ACAP2: variants seen among roughly 807,000 people sequenced by gnomAD.
ACAP2 encodes the protein arf-GAP with coiled-coil, ANK repeat and PH domain-containing protein 2.
A neutral mutation model predicts 115.8 loss-of-function variants in ACAP2; 39 were observed. The observed-to-expected ratio is 0.34, with a 90% confidence interval of 0.26 to 0.44. The LOEUF is 0.44. Ranked by LOEUF, ACAP2 falls within the 20% of genes least tolerant of loss-of-function variation. ACAP2 has a pLI of 1.00. For missense variants in ACAP2, 662 were observed against 927.6 expected (o/e 0.71, Z 3.72); for synonymous variants, 289 against 315.8 (o/e 0.92, Z 0.90).
intron 1 of ACAP2, among the ~76,000 whole-genome samples, chr3:195,422,748 C>G (rs968096238): frequency 1.3e-5 from 2 of 152,092 alleles, no homozygotes; most frequent in Admixed American, 1.3e-4. Context: ...TCTTTAAGAG[C>G]TTCTCACTAT....
chr3:195,415,650 TA>T (rs1383842018), intron 1 of ACAP2, among the ~76,000 whole-genome samples: 2 of 152,244 alleles, frequency 1.3e-5, no homozygotes. Flanking sequence ...AGATACCAGA[TA>T]AACCACTTAC....
intron 1 of ACAP2, among the ~76,000 whole-genome samples, chr3:195,417,481 A>C (rs980560800): frequency 2.6e-5 from 4 of 152,008 alleles, no homozygotes; most frequent in Admixed American, 1.3e-4. Context: ...CTACCTCCTA[A>C]ATACCTTGAT....
In ACAP2 at chr3:195,327,065, T is replaced by C; in HGVS notation, c.670-106A>G. ...CAGATAAATAAAAAATCACTCAATT[T>C]AAGCTGATTTAATAAAGTTTTGGCT... is the stretch of plus-strand genomic sequence containing the variant. On this transcript the variant is annotated intron_variant, in intron 8 of 22. Coordinates refer to ENST00000326793, the MANE Select transcript of ACAP2 (RefSeq NM_012287.6). 2.9e-6 allele frequency: 3 copies of C among 1,048,078 alleles called. No homozygotes were observed. The South Asian group carries it at 4.6e-5, about 16-fold the overall frequency. The allele number at this position is 1,048,078 out of a possible 1,614,324, so 64.9% of individuals were successfully genotyped here. A position where few individuals can be genotyped will look rare whatever the true frequency, so the allele number is the denominator to read the frequency against.
chr3:195,321,396 TAG>T (rs1560240572), intron 9 of ACAP2, among the ~76,000 whole-genome samples: 2 of 151,892 alleles, frequency 1.3e-5, no homozygotes, highest in East Asian at 3.9e-4. Flanking sequence ...CTAATTTTTG[TAG>T]AGACAGGGTT....
intron 10 of ACAP2, among the ~76,000 whole-genome samples, chr3:195,310,875 G>T (rs1314641753): frequency 6.6e-6 from 1 of 151,768 alleles, no homozygotes; most frequent in Non-Finnish European, 1.5e-5. Context: ...ATCTCTTAAG[G>T]AAAAACGTCA....
chr3:195,389,035 A>C (rs1218117057), intron 2 of ACAP2, among the ~76,000 whole-genome samples: 1 of 151,294 alleles, frequency 6.6e-6, no homozygotes, highest in East Asian at 1.9e-4. Context: ...TAAAAAAAAA[A>C]TTAAAAATTA....
intron 8 of ACAP2, among the ~76,000 whole-genome samples, chr3:195,331,988 G>C (rs1489420891): frequency 1.3e-4 from 19 of 151,772 alleles, no homozygotes; most frequent in Admixed American, 1.2e-3. Context: ...CAAAAAATCA[G>C]CCGGGCATGG....
At chr3:195,280,280 C>T (rs1425127721) in intron 22 of ACAP2, among the ~76,000 whole-genome samples, 4 of 151,984 alleles carry the variant, frequency 2.6e-5, no homozygotes, top group African/African-American at 9.7e-5. Flanking sequence ...TGAGACCGCC[C>T]GGCCAACATG....
At chr3:195,365,765 T>A (rs1732671042) in intron 4 of ACAP2, among the ~76,000 whole-genome samples, 1 of 152,174 alleles carries the variant, frequency 6.6e-6, no homozygotes, top group African/African-American at 2.4e-5. Context: ...AGAACTCTTC[T>A]TTGCAATCAT....
At chr3:195,325,081 C>T (rs1171897902) in intron 9 of ACAP2, among the ~76,000 whole-genome samples, 3 of 152,112 alleles carry the variant, frequency 2.0e-5, no homozygotes, top group African/African-American at 7.2e-5. Context: ...ATGTCTATAT[C>T]TACTGATCAA....
intron 22 of ACAP2, among the ~76,000 whole-genome samples, chr3:195,285,059 C>T (rs1726755082): frequency 6.6e-6 from 1 of 152,156 alleles, no homozygotes; most frequent in African/African-American, 2.4e-5. Context: ...ATCTACTTTG[C>T]CATCAGGTGC....
chr3:195,330,977 G>C (rs1730126942), intron 8 of ACAP2, among the ~76,000 whole-genome samples: 1 of 152,156 alleles, frequency 6.6e-6, no homozygotes, highest in Non-Finnish European at 1.5e-5. Flanking sequence ...CTGCACTCCT[G>C]CTAACCAAGT....
intron 1 of ACAP2, among the ~76,000 whole-genome samples, chr3:195,392,964 T>G (rs183283209): frequency 6.6e-6 from 1 of 152,310 alleles, no homozygotes; most frequent in Admixed American, 6.5e-5. Flanking sequence ...TATTTTAAGA[T>G]TTAACTAAAT....
intron 1 of ACAP2, among the ~76,000 whole-genome samples, chr3:195,393,749 A>C (rs2108775883): frequency 6.6e-6 from 1 of 152,302 alleles, no homozygotes; most frequent in African/African-American, 2.4e-5. Context: ...CGCGTTAGAA[A>C]CCTAGATGTG....
chr3:195,331,636 T>G (rs62287107), intron 8 of ACAP2, among the ~76,000 whole-genome samples: 36,263 of 151,384 alleles, frequency 0.24, 5,062 homozygotes, highest in East Asian at 0.71. Context: ...TCATCATCAA[T>G]CCCCTCCTCT....
At chr3:195,329,561 T>C (rs1331453730) in intron 8 of ACAP2, among the ~76,000 whole-genome samples, 1 of 152,168 alleles carries the variant, frequency 6.6e-6, no homozygotes, top group Non-Finnish European at 1.5e-5. Context: ...TCTTTCCCTC[T>C]TTCCTTCATA....
chr3:195,418,480 G>A (rs954712460), intron 1 of ACAP2, among the ~76,000 whole-genome samples: 22 of 152,108 alleles, frequency 1.4e-4, no homozygotes, highest in African/African-American at 3.9e-4. Context: ...GCAGGGGTGC[G>A]GTGGTACCAT....
chr3:195,298,638 C>CT (rs573074407), intron 15 of ACAP2, among the ~76,000 whole-genome samples: 176 of 148,396 alleles, frequency 1.2e-3, no homozygotes, highest in Admixed American at 3.1e-3. Context: ...CCATTTATTC[C>CT]TTTTTTTTTT....
rs1173829078 is a variant in ACAP2 at position 195,382,019 on chromosome 3, C to A, written c.115G>T (p.Val39Leu). The A allele has an allele frequency of 1.6e-5, 25 of 1,592,240 alleles. No individual in the cohort carries two copies. Among genetic ancestry groups the A allele is most frequent in the East Asian group, 2.2e-5 (1 of 44,668 alleles). ...AELELKLDKLVKLCIAMIDTG... is the reference protein window; with the variant it reads ...AELELKLDKLLKLCIAMIDTG... Reference sequence around the variant, plus strand: ...TCAATCATTGCAATACAAAGTTTCACAAGCTGAAAAAGAAAAAAAAAATTC... The same window carrying A: ...TCAATCATTGCAATACAAAGTTTCAAAAGCTGAAAAAGAAAAAAAAAATTC... The change falls in exon 3 of 23, where the codon GTG (valine) becomes TTG (leucine). Residue 39 changes from valine to leucine, a missense_variant. By Grantham distance (32) the Val-to-Leu change is conservative. This residue lies in a region of ACAP2 where 401 missense variants were observed against 604.4 expected (regional missense o/e 0.66). Transcript: ENST00000326793.
Sources: gnomAD v4.1 joint callset for allele counts (sites outside exome capture counted in the v4.1 genomes callset) on GRCh38, gnomAD v4.1.1 for gene constraint, gnomAD v4.1.1 regional missense constraint, MANE v1.5 for transcripts, NCBI Gene and HGNC (gene_info 2026-07-23, HGNC 2026-07-21) for gene names.